CDH11: variants seen among roughly 807,000 people sequenced by gnomAD.
The protein encoded by CDH11 is cadherin-11.
CDH11 carries 11 observed loss-of-function variants against 67.8 expected under a neutral mutation model. The observed-to-expected ratio is 0.16, with a 90% CI of 0.10 to 0.27. The LOEUF (loss-of-function observed/expected upper bound fraction) is 0.27. Among genes scored for constraint, CDH11 ranks in the 10% least tolerant of loss-of-function variants. The probability of loss-of-function intolerance (pLI) is 1.00; values close to 1 mark genes in which losing one functional copy is unlikely to be tolerated. For missense variants in CDH11, 847 were observed against 1,031.2 expected, an observed-to-expected ratio of 0.82 and a Z score of 2.45; for synonymous variants, 419 against 400.0, an observed-to-expected ratio of 1.05 and a Z score of -0.57.
chr16:65,091,573 AC>A (rs2074793234), intron 1 of CDH11, among the ~76,000 whole-genome samples: 1 of 136,548 alleles, frequency 7.3e-6, no homozygotes, highest in African/African-American at 2.9e-5. Flanking sequence ...TTTTTTTGAG[AC>A]GGAGTCTCAC....
intron 12 of CDH11, among the ~76,000 whole-genome samples, chr16:64,949,425 CTTTTT>C (rs71143535): frequency 1.9e-5 from 2 of 106,016 alleles, no homozygotes; most frequent in Admixed American, 1.0e-4. Context: ...TTTTTTTTTT[CTTTTT>C]TTTTTTTTTT....
chr16:65,065,475 C>T (rs1433182825), intron 1 of CDH11, among the ~76,000 whole-genome samples: 4 of 152,252 alleles, frequency 2.6e-5, no homozygotes, highest in East Asian at 1.9e-4. Flanking sequence ...ACGAAAGGGA[C>T]GGGGACACAC....
chr16:65,083,036 C>A (rs6498975), intron 1 of CDH11, among the ~76,000 whole-genome samples: 139,518 of 152,302 alleles, frequency 0.92, 64,024 homozygotes, highest in East Asian at 1. Flanking sequence ...GAATACCTTA[C>A]GTGTATATTG....
intron 2 of CDH11, among the ~76,000 whole-genome samples, chr16:65,035,634 T>C (rs929571432): frequency 6.6e-6 from 1 of 152,144 alleles, no homozygotes; most frequent in Non-Finnish European, 1.5e-5. Flanking sequence ...GTTTATGGAA[T>C]ACCTGGAGTA....
At chr16:65,020,263 T>C (rs544873526) in intron 2 of CDH11, among the ~76,000 whole-genome samples, 1 of 152,342 alleles carries the variant, frequency 6.6e-6, no homozygotes, top group Non-Finnish European at 1.5e-5. Context: ...TTAGTAAACA[T>C]AGTATCTGAC....
At chr16:65,027,298 T>A (rs570879876) in intron 2 of CDH11, among the ~76,000 whole-genome samples, 1 of 152,206 alleles carries the variant, frequency 6.6e-6, no homozygotes, top group Admixed American at 6.5e-5. Flanking sequence ...TAGAGCACCA[T>A]TGTAACAAAG....
At position 65,058,361 on chromosome 16, in the gene CDH11, T is replaced by G. The variant is rs577839573; in HGVS notation, c.-297-4433A>C. Among the ~76,000 whole-genome samples the G allele has an allele frequency of 1.2e-4, 19 of 152,242 alleles. No individual in the cohort carries two copies. In the Middle Eastern group the frequency reaches 0.01, roughly 82 times the overall value. On this transcript the variant is annotated intron_variant, in intron 1 of 12. Coordinates refer to ENST00000268603, the MANE Select transcript of CDH11 (RefSeq NM_001797.4). ...TTGTATAAACAAGTGAAATATCAGGTTTTTAAAACTTTTCTTTGGTGAAGA... is the reference window on the plus strand; with the variant it reads ...TTGTATAAACAAGTGAAATATCAGGGTTTTAAAACTTTTCTTTGGTGAAGA...
intron 2 of CDH11, among the ~76,000 whole-genome samples, chr16:65,029,021 T>C (rs1010052594): frequency 1.1e-4 from 17 of 152,228 alleles, no homozygotes; most frequent in Non-Finnish European, 2.2e-4. Flanking sequence ...CTGTACAACG[T>C]TGTACCTATA....
At chr16:64,956,018 T>C (rs1410269837) in intron 11 of CDH11, among the ~76,000 whole-genome samples, 1 of 152,162 alleles carries the variant, frequency 6.6e-6, no homozygotes, top group Non-Finnish European at 1.5e-5. Flanking sequence ...TCAGATTGGC[T>C]CCAGGTTACT....
intron 5 of CDH11, 121 bp from the exon 6 acceptor site, chr16:64,992,056 T>G: frequency 1.6e-6 from 1 of 628,992 alleles, no homozygotes; most frequent in East Asian, 2.6e-5. Context: ...CAAGAATCAT[T>G]TCAACATGGT....
At chr16:65,006,744 A>C (rs1025502233) in intron 2 of CDH11, 1 of 152,184 alleles carries the variant, frequency 6.6e-6, no homozygotes, top group East Asian at 1.9e-4. Context: ...CCCCACCCAA[A>C]TCTCATCTTG....
rs531902820 is a variant in CDH11 at position 65,009,467 on chromosome 16, T to TTTTTG, written c.-172-4431_-172-4427dup. Among the ~76,000 whole-genome samples, 22 of 152,230 alleles carry TTTTTG rather than the reference T, an allele frequency of 1.4e-4. No individual in the cohort carries two copies. The South Asian group carries it at 3.3e-3, about 23-fold the overall frequency. ...AAAGTGTATTCAGAGTTGTTTCAGT[T>TTTTTG]TTTTGTTTTGTTTTGTTTTGTTTTA... On this transcript the variant is annotated intron_variant, in intron 2 of 12. Coordinates refer to ENST00000268603, the MANE Select transcript of CDH11 (RefSeq NM_001797.4).
At chr16:65,076,447 T>C (rs552581316) in intron 1 of CDH11, among the ~76,000 whole-genome samples, 22 of 152,306 alleles carry the variant, frequency 1.4e-4, no homozygotes, top group African/African-American at 5.1e-4. Context: ...AGATGTCTCA[T>C]GGCCTGAAGA....
intron 11 of CDH11, among the ~76,000 whole-genome samples, chr16:64,952,574 T>C (rs566854781): frequency 1.3e-5 from 2 of 152,234 alleles, no homozygotes; most frequent in Non-Finnish European, 2.9e-5. Context: ...TTCTAAGATT[T>C]ATTTTCTAGT....
intron 2 of CDH11, among the ~76,000 whole-genome samples, chr16:65,010,897 G>A (rs903998492): frequency 1.3e-5 from 2 of 148,934 alleles, no homozygotes; most frequent in Non-Finnish European, 3.0e-5. Context: ...TATGCTCAGG[G>A]CTTGGTACAT....
chr16:64,955,777 C>T (rs2071491618), intron 11 of CDH11, among the ~76,000 whole-genome samples: 1 of 152,090 alleles, frequency 6.6e-6, no homozygotes, highest in African/African-American at 2.4e-5. Flanking sequence ...CTACTATGGT[C>T]AGGAACTTCA....
At chr16:65,043,172 CT>C (rs1295442998) in intron 2 of CDH11, among the ~76,000 whole-genome samples, 5 of 152,272 alleles carry the variant, frequency 3.3e-5, no homozygotes, top group African/African-American at 1.2e-4. Flanking sequence ...ATCTTGGTAC[CT>C]AGTACAGTGT....
chr16:65,017,133 T>C (rs2073326518), intron 2 of CDH11, among the ~76,000 whole-genome samples: 1 of 152,194 alleles, frequency 6.6e-6, no homozygotes. Flanking sequence ...GTAGGGTCTT[T>C]GTGATCTGTA....
chr16:65,016,453 C>T (rs1436790353), intron 2 of CDH11, among the ~76,000 whole-genome samples: 3 of 152,058 alleles, frequency 2.0e-5, no homozygotes, highest in African/African-American at 7.2e-5. Flanking sequence ...CTTTCAAAGG[C>T]AATATTAAGT....
Sources: allele counts gnomAD v4.1 joint callset (sites outside exome capture counted in the v4.1 genomes callset), GRCh38; gene constraint gnomAD v4.1.1; transcripts MANE v1.5; gene names NCBI Gene and HGNC (gene_info 2026-07-23, HGNC 2026-07-21).